Variants in CDKL2 observed in about 807,000 individuals in gnomAD.
The protein encoded by CDKL2 is cyclin dependent kinase like 2.
In CDKL2, 64 loss-of-function variants were observed where a neutral mutation model predicts 63.9. That is an observed-to-expected ratio of 1.00 (90% CI 0.82 to 1.23). CDKL2 has a LOEUF of 1.23. CDKL2 is among the 50% of genes most tolerant of loss of function. The pLI is 0.00. For synonymous variants in CDKL2, 211 were observed against 229.2 expected, an observed-to-expected ratio of 0.92 and a Z score of 0.72; for missense variants, 656 against 668.0, an observed-to-expected ratio of 0.98 and a Z score of 0.20.
chr4:75,585,416 C>T (rs1010064599), intron 12 of CDKL2, among the ~76,000 whole-genome samples: 1 of 151,910 alleles, frequency 6.6e-6, no homozygotes, highest in South Asian at 2.1e-4. Flanking sequence ...AGAGCAAGAC[C>T]CCATCTCTCA....
intron 3 of CDKL2, among the ~76,000 whole-genome samples, chr4:75,612,871 T>A (rs1196634616): frequency 6.6e-6 from 1 of 152,184 alleles, no homozygotes; most frequent in African/African-American, 2.4e-5. Context: ...ACGCCTGTAA[T>A]CCCAGTACTT....
At chr4:75,598,374 G>A (rs1395956145) in intron 7 of CDKL2, among the ~76,000 whole-genome samples, 162 bp from the exon 8 acceptor site, 1 of 152,102 alleles carries the variant, frequency 6.6e-6, no homozygotes, top group Non-Finnish European at 1.5e-5. Context: ...AAAGGGTGGT[G>A]TGTAGATCTT....
At chr4:75,604,062 G>T in intron 5 of CDKL2, 106 bp from the exon 6 acceptor site, 6 of 1,081,064 alleles carry the variant, frequency 5.6e-6, no homozygotes, top group African/African-American at 1.6e-5. Flanking sequence ...AGCTTATGGA[G>T]TTTGGGGCTC....
chr4:75,627,602 T>G (rs1324288012), intron 1 of CDKL2, among the ~76,000 whole-genome samples: 1 of 152,180 alleles, frequency 6.6e-6, no homozygotes, highest in Non-Finnish European at 1.5e-5. Context: ...TCAACTTTTT[T>G]GTTACACTGG....
intron 12 of CDKL2, among the ~76,000 whole-genome samples, chr4:75,591,386 A>G (rs1305192414): frequency 6.6e-6 from 1 of 152,194 alleles, no homozygotes; most frequent in Non-Finnish European, 1.5e-5. Flanking sequence ...GCTTGAGGCC[A>G]GGAGTTTTGA....
intron 13 of CDKL2, among the ~76,000 whole-genome samples, chr4:75,581,154 T>TCC (rs2148854369): frequency 1.3e-5 from 2 of 152,358 alleles, no homozygotes; most frequent in African/African-American, 4.8e-5. Flanking sequence ...ACAATGGTAG[T>TCC]CCCATAGATT....
At chr4:75,584,669 G>GC (rs1050276582) in intron 12 of CDKL2, among the ~76,000 whole-genome samples, 2 of 151,932 alleles carry the variant, frequency 1.3e-5, no homozygotes, top group Non-Finnish European at 2.9e-5. Context: ...ACAGTATTGT[G>GC]TTTTTTTTAA....
intron 13 of CDKL2, among the ~76,000 whole-genome samples, chr4:75,580,979 C>T (rs1282365959): frequency 6.6e-6 from 1 of 152,064 alleles, no homozygotes; most frequent in Non-Finnish European, 1.5e-5. Context: ...GGATTACAGG[C>T]GTGAGCCACC....
chr4:75,587,631 C>T (rs1157062056), intron 12 of CDKL2, among the ~76,000 whole-genome samples: 1 of 151,904 alleles, frequency 6.6e-6, no homozygotes, highest in African/African-American at 2.4e-5. Flanking sequence ...ATTGAGAGGC[C>T]GGGCGCAGTG....
intron 1 of CDKL2, among the ~76,000 whole-genome samples, chr4:75,627,295 C>T (rs964166126): frequency 3.4e-5 from 5 of 146,180 alleles, no homozygotes; most frequent in African/African-American, 1.0e-4. Flanking sequence ...TTGTTTGGGA[C>T]GGAGTCTTGC....
At chr4:75,607,157 A>C (rs1284523020) in intron 4 of CDKL2, 26 bp downstream of exon 4, 1 of 1,563,536 alleles carries the variant, frequency 6.4e-7, no homozygotes, top group Non-Finnish European at 8.7e-7. Context: ...GTAAAAATCT[A>C]CTCCTCCCCA....
At position 75,605,615 on chromosome 4, in the gene CDKL2, T is replaced by C; in HGVS notation, c.562A>G (p.Ile188Val). Residue 188 changes from isoleucine (I) to valine (V), a missense_variant, in exon 5 of 14, where the codon ATT (isoleucine) becomes GTT (valine). Transcript: ENST00000307465. ...AACATTTCAGTTACCAGACAACCAA[T>C]GGCCCACACATCAACAGCCCTGAAA... The part of the protein sequence containing the change: ...KYGKAVDVWA[I>V]GCLVTEMFMG... The C allele has an allele frequency of 1.9e-6, 3 of 1,613,100 alleles. No individual in the cohort carries two copies. The highest frequency in any genetic ancestry group is 1.7e-6 in the Non-Finnish European group (2 of 1,179,102).
At chr4:75,604,491 T>C (rs1729339356) in intron 5 of CDKL2, among the ~76,000 whole-genome samples, 1 of 152,238 alleles carries the variant, frequency 6.6e-6, no homozygotes, top group Admixed American at 6.5e-5. Context: ...TACCCCCAAG[T>C]ATTTTCCCAT....
intron 6 of CDKL2, among the ~76,000 whole-genome samples, chr4:75,602,584 C>T (rs947889527): frequency 2.6e-5 from 4 of 152,026 alleles, no homozygotes; most frequent in Non-Finnish European, 4.4e-5. Flanking sequence ...TGCAGTGGTG[C>T]GATCTCAGCT....
At chr4:75,611,884 C>T (rs758650066) in intron 3 of CDKL2, among the ~76,000 whole-genome samples, 87 of 152,150 alleles carry the variant, frequency 5.7e-4, no homozygotes, top group African/African-American at 2.0e-3. Context: ...AAACTCCCGA[C>T]CTCAGGTGAT....
chr4:75,583,808 G>C (rs980286312), intron 12 of CDKL2, among the ~76,000 whole-genome samples: 1 of 151,622 alleles, frequency 6.6e-6, no homozygotes, highest in Non-Finnish European at 1.5e-5. Flanking sequence ...GTAATTCCTC[G>C]AGCAATCACT....
At chr4:75,616,368 T>C (rs1195299466) in intron 2 of CDKL2, among the ~76,000 whole-genome samples, 4 of 150,978 alleles carry the variant, frequency 2.6e-5, no homozygotes, top group Admixed American at 2.6e-4. Flanking sequence ...AAAAATAATA[T>C]AAGGAATTCA....
At chr4:75,587,311 G>A (rs1456675149) in intron 12 of CDKL2, among the ~76,000 whole-genome samples, 7 of 151,938 alleles carry the variant, frequency 4.6e-5, no homozygotes, top group Non-Finnish European at 7.4e-5. Flanking sequence ...AAAATTAGCC[G>A]AGTGTAGTGG....
At chr4:75,609,731 G>A (rs2148895002) in intron 3 of CDKL2, among the ~76,000 whole-genome samples, 1 of 149,966 alleles carries the variant, frequency 6.7e-6, no homozygotes, top group African/African-American at 2.4e-5. Context: ...TCTAATATAA[G>A]CAAATTGTAT....
Sources: allele counts gnomAD v4.1 joint callset (sites outside exome capture counted in the v4.1 genomes callset), GRCh38; gene constraint gnomAD v4.1.1; transcripts MANE v1.5; gene names NCBI Gene and HGNC (gene_info 2026-07-23, HGNC 2026-07-21).